Variants in LDLRAD4 observed in about 807,000 individuals in gnomAD.
LDLRAD4 encodes low density lipoprotein receptor class A domain containing 4.
Under a neutral mutation model 17.0 loss-of-function variants are expected in LDLRAD4, and 5 were observed. That is an observed-to-expected ratio of 0.29 (90% CI 0.15 to 0.62). LDLRAD4 has a LOEUF of 0.62. Ranked by LOEUF, LDLRAD4 falls within the 20% of genes least tolerant of loss-of-function variation. LDLRAD4 has a pLI of 0.84. For synonymous variants in LDLRAD4, 168 were observed against 171.8 expected (o/e 0.98, Z 0.17); for missense variants, 340 against 424.7 (o/e 0.80, Z 1.75).
intron 1 of LDLRAD4, among the ~76,000 whole-genome samples, chr18:13,380,935 G>A (rs1342650640): frequency 1.3e-5 from 2 of 151,906 alleles, no homozygotes; most frequent in African/African-American, 2.4e-5. Flanking sequence ...GAGATGAAAA[G>A]TAGCATGAAA....
chr18:13,535,073 C>T (rs1294562281), intron 3 of LDLRAD4, among the ~76,000 whole-genome samples: 1 of 152,106 alleles, frequency 6.6e-6, no homozygotes, highest in African/African-American at 2.4e-5. Flanking sequence ...TTCATCCACT[C>T]ATCCATTGAC....
intron 1 of LDLRAD4, among the ~76,000 whole-genome samples, chr18:13,260,351 G>A (rs992846423): frequency 5.3e-5 from 8 of 152,202 alleles, no homozygotes; most frequent in African/African-American, 1.4e-4. Flanking sequence ...GCCTTTTGGC[G>A]GCCCTGTCAG....
chr18:13,223,294 G>A (rs1475852407), intron 1 of LDLRAD4, among the ~76,000 whole-genome samples: 2 of 152,202 alleles, frequency 1.3e-5, no homozygotes, highest in African/African-American at 4.8e-5. Flanking sequence ...TCTCCTGAAA[G>A]TAGGCCTTGA....
intron 1 of LDLRAD4, among the ~76,000 whole-genome samples, chr18:13,370,049 C>T (rs1196773137): frequency 3.3e-5 from 5 of 151,222 alleles, no homozygotes; most frequent in African/African-American, 1.2e-4. Flanking sequence ...TTTTAATCCT[C>T]AGCCAACGCA....
intron 4 of LDLRAD4, chr18:13,642,596 C>A: frequency 1.6e-6 from 2 of 1,229,520 alleles, no homozygotes; most frequent in Non-Finnish European, 2.0e-6. Flanking sequence ...CGGAAAGGGC[C>A]GTCCACCTGC....
intron 1 of LDLRAD4, among the ~76,000 whole-genome samples, chr18:13,258,488 ATTTAT>A (rs1047998596): frequency 1.3e-5 from 2 of 152,048 alleles, no homozygotes; most frequent in African/African-American, 2.4e-5. Flanking sequence ...GGAATTGGCT[ATTTAT>A]TTTATTTTTG....
intron 3 of LDLRAD4, among the ~76,000 whole-genome samples, chr18:13,575,138 T>G (rs1482879308): frequency 6.6e-6 from 1 of 152,216 alleles, no homozygotes; most frequent in Non-Finnish European, 1.5e-5. Flanking sequence ...GAGAAAGTTA[T>G]TTAGTGGTGA....
chr18:13,438,410 G>C, intron 3 of LDLRAD4, 26 bp downstream of exon 4: 2 of 1,608,828 alleles, frequency 1.2e-6, no homozygotes, highest in Non-Finnish European at 1.7e-6. Flanking sequence ...CACCTGGGTG[G>C]CACTGTCTGA....
exon 6 of LDLRAD4, chr18:13,647,736 A>C (rs926525121): frequency 6.6e-6 from 1 of 152,272 alleles, no homozygotes; most frequent in Non-Finnish European, 1.5e-5. Context: ...GAGAGGAAAA[A>C]CACAGGCACC....
Position 13,367,167 on chromosome 18 carries a change from A to G in LDLRAD4, c.-382-20174A>G, listed in dbSNP as rs998340971. The stretch of plus-strand genomic sequence containing the variant: ...CACAGGGAAGTCCTGTGGCTGTGGG[A>G]AGGAGGTTTTGCAATCCCCTCCAGC... On this transcript the variant is annotated intron_variant, in intron 1 of 5. Coordinates refer to ENST00000359446, the Ensembl canonical transcript of LDLRAD4. This position sits in a 1 kb window ranked among gnomAD's most constrained non-coding sequence, Gnocchi z 4.1. Among the ~76,000 whole-genome samples the G allele has an allele frequency of 4.6e-5, 7 of 152,128 alleles. No individual in the cohort carries two copies. The highest frequency in any genetic ancestry group is 1.7e-4 in the African/African-American group (7 of 41,420).
At chr18:13,319,093 T>A (rs1431426560) in intron 1 of LDLRAD4, among the ~76,000 whole-genome samples, 1 of 152,250 alleles carries the variant, frequency 6.6e-6, no homozygotes, top group Non-Finnish European at 1.5e-5. Flanking sequence ...TTTTAAATGC[T>A]GCTGCAGCTC....
At chr18:13,257,471 C>T (rs1762410438) in intron 1 of LDLRAD4, among the ~76,000 whole-genome samples, 1 of 152,182 alleles carries the variant, frequency 6.6e-6, no homozygotes, top group South Asian at 2.1e-4. Context: ...GGTTGCTTTT[C>T]CATGAGCAGG....
At chr18:13,501,333 C>A (rs2093610728) in intron 3 of LDLRAD4, 1 of 152,176 alleles carries the variant, frequency 6.6e-6, no homozygotes, top group African/African-American at 2.4e-5. Flanking sequence ...ATGTGTCCTG[C>A]CAGTGAGAGA....
chr18:13,458,387 T>C (rs573943303), intron 3 of LDLRAD4, among the ~76,000 whole-genome samples: 1 of 152,174 alleles, frequency 6.6e-6, no homozygotes, highest in Non-Finnish European at 1.5e-5. Context: ...TGTGCGTAAA[T>C]CTTTCCACAA....
chr18:13,638,160 A>C (rs908805904), intron 4 of LDLRAD4, among the ~76,000 whole-genome samples: 2 of 152,138 alleles, frequency 1.3e-5, no homozygotes, highest in African/African-American at 2.4e-5. Flanking sequence ...AGTCCCAGCT[A>C]TCCGGGAGGC....
chr18:13,505,322 A>G (rs917893684), intron 3 of LDLRAD4, among the ~76,000 whole-genome samples: 19 of 152,214 alleles, frequency 1.2e-4, no homozygotes, highest in Admixed American at 2.0e-4. Context: ...TTTGCACAGT[A>G]ATGTGGGACC....
chr18:13,376,600 C>T (rs1174258466), intron 1 of LDLRAD4, among the ~76,000 whole-genome samples: 6 of 152,164 alleles, frequency 3.9e-5, no homozygotes, highest in South Asian at 4.1e-4. Context: ...CAGGATGAGA[C>T]GGCTCCTGCA....
chr18:13,244,431 T>C (rs55962651), intron 1 of LDLRAD4, among the ~76,000 whole-genome samples: 58,705 of 151,878 alleles, frequency 0.39, 13,410 homozygotes, highest in Middle Eastern at 0.54. Flanking sequence ...ATCCTGCCCA[T>C]CCTCCACCAT....
chr18:13,597,973 A>G (rs1188270286), intron 3 of LDLRAD4, among the ~76,000 whole-genome samples: 2 of 152,170 alleles, frequency 1.3e-5, no homozygotes, highest in African/African-American at 4.8e-5. Flanking sequence ...TTCTTTGAAC[A>G]TACTTGTAAT....
Sources: gnomAD v4.1 joint callset for allele counts (sites outside exome capture counted in the v4.1 genomes callset) on GRCh38, gnomAD v4.1.1 for gene constraint, Gnocchi (gnomAD v3.1) non-coding constraint, MANE v1.5 for transcripts, NCBI Gene and HGNC (gene_info 2026-07-23, HGNC 2026-07-21) for gene names.